The following UGT2A2 variants were observed in gnomAD, a reference collection of about 807,000 sequenced individuals.
UGT2A2 encodes the protein UDP-glucuronosyltransferase 2A2.
UGT2A2 carries 60 observed loss-of-function variants against 50.7 expected under a neutral mutation model. That is an observed-to-expected ratio of 1.18 (90% CI 0.96 to 1.47). UGT2A2 has a LOEUF of 1.47. Ranked by LOEUF, UGT2A2 falls within the 40% of genes most tolerant of loss-of-function variation. The pLI is 0.00. For missense variants in UGT2A2, 762 were observed against 634.0 expected, an observed-to-expected ratio of 1.20 and a Z score of -2.17; for synonymous variants, 242 against 214.6, an observed-to-expected ratio of 1.13 and a Z score of -1.11.
At chr4:69,591,118 A>T (rs1718571548) in intron 5 of UGT2A2, among the ~76,000 whole-genome samples, 1 of 152,082 alleles carries the variant, frequency 6.6e-6, no homozygotes, top group East Asian at 1.9e-4. Context: ...ATTTTTTTGC[A>T]TCAATAGTTT....
chr4:69,599,273 G>A lies in UGT2A2; in HGVS notation c.864C>T (p.His288=), dbSNP rs954176560. 3.1e-6 allele frequency: 5 copies of A among 1,613,754 alleles called. No individual in the cohort carries two copies. In the South Asian group the frequency reaches 4.4e-5, roughly 14 times the overall value. Residue 288 remains histidine, a synonymous_variant, in exon 2 of 6, where the codon CAC becomes CAT. Coordinates refer to ENST00000604629, the MANE Select transcript of UGT2A2 (RefSeq NM_001105677.2). ...TAGGTAAAGGTTTGGCAGGTTTGCAGTGCAATCCTCCAACAAACTCAAAAT... is the reference window on the plus strand; with the variant it reads ...TAGGTAAAGGTTTGGCAGGTTTGCAATGCAATCCTCCAACAAACTCAAAAT... The part of the protein sequence containing the change: ...LPNFEFVGGL[H]CKPAKPLPKE...
chr4:69,632,983 C>A (rs537482914), intron 1 of UGT2A2, among the ~76,000 whole-genome samples: 1 of 151,504 alleles, frequency 6.6e-6, no homozygotes, highest in African/African-American at 2.4e-5. Flanking sequence ...ACAAACCGGA[C>A]GTGGGTGACA....
intron 1 of UGT2A2, among the ~76,000 whole-genome samples, chr4:69,609,052 G>A (rs1897441): frequency 0.23 from 35,443 of 151,492 alleles, 4,352 homozygotes; most frequent in Middle Eastern, 0.31. Flanking sequence ...TAAAATCTAC[G>A]ATTCATTATC....
chr4:69,598,680 A>T (rs1276076996), intron 2 of UGT2A2, among the ~76,000 whole-genome samples: 1 of 152,150 alleles, frequency 6.6e-6, no homozygotes, highest in Non-Finnish European at 1.5e-5. Context: ...ATAGGTCAGA[A>T]ACTAAACTCA....
intron 1 of UGT2A2, among the ~76,000 whole-genome samples, chr4:69,610,187 T>A (rs1034348264): frequency 6.6e-6 from 1 of 152,124 alleles, no homozygotes; most frequent in Non-Finnish European, 1.5e-5. Context: ...AAAATATTTT[T>A]AAATGTGCAA....
Position 69,638,909 on chromosome 4 carries a change from G to A in UGT2A2, c.732C>T (p.Ser244=), listed in dbSNP as rs1306803044. The A allele has an allele frequency of 3.8e-6, 6 of 1,581,792 alleles. No homozygotes were observed. The highest frequency in any genetic ancestry group is 1.2e-5 in the South Asian group (1 of 86,640). The change falls in exon 1 of 6, where the codon AGC becomes AGT. Residue 244 remains serine, a synonymous_variant. Coordinates refer to ENST00000604629, the MANE Select transcript of UGT2A2 (RefSeq NM_001105677.2). ...AAATTTTAGACTTACCTAAAATTTT[G>A]CTATAGTATGAATTCCATTCTCCCC... ...SYWGEWNSYY[S]KILGRPTTLC...
At chr4:69,611,188 C>T (rs891139768) in intron 1 of UGT2A2, among the ~76,000 whole-genome samples, 1 of 151,566 alleles carries the variant, frequency 6.6e-6, no homozygotes, top group African/African-American at 2.4e-5. Flanking sequence ...CTCTGTCACT[C>T]AAGCTGGAGT....
At chr4:69,598,125 T>C (rs1198538878) in intron 2 of UGT2A2, among the ~76,000 whole-genome samples, 1 of 152,202 alleles carries the variant, frequency 6.6e-6, no homozygotes, top group Non-Finnish European at 1.5e-5. Context: ...CATTATTTCC[T>C]ATAATAAACA....
chr4:69,601,279 C>T (rs1560471196), intron 1 of UGT2A2, among the ~76,000 whole-genome samples: 1 of 152,154 alleles, frequency 6.6e-6, no homozygotes, highest in Non-Finnish European at 1.5e-5. Flanking sequence ...ATAGGGGGAG[C>T]CAGAGCACAG....
rs1393013756 is a variant in UGT2A2, at chr4:69,605,943, C to T, written c.743-6549G>A. ...GAGGCAATAATTAATAGCTTAGCAA[C>T]CAAAAAAAGTCCAGGACCAGATGGA... On this transcript the variant is annotated intron_variant, in intron 1 of 5. Coordinates refer to ENST00000604629, the MANE Select transcript of UGT2A2 (RefSeq NM_001105677.2). 5.9e-5 allele frequency among the ~76,000 whole-genome samples: 8 copies of T among 136,222 alleles called. 2 individuals carry two copies. Among genetic ancestry groups the T allele is most frequent in the Non-Finnish European group, 1.2e-4 (8 of 64,064 alleles). The allele number at this position is 136,222 out of a possible 152,430, so 89.4% of individuals were successfully genotyped here.
chr4:69,627,249 T>G (rs958997210), intron 1 of UGT2A2, among the ~76,000 whole-genome samples: 9 of 151,764 alleles, frequency 5.9e-5, no homozygotes, highest in African/African-American at 2.2e-4. Flanking sequence ...TGAAATTTGT[T>G]TTGGAATTAC....
At chr4:69,607,390 C>G (rs1719703588) in intron 1 of UGT2A2, among the ~76,000 whole-genome samples, 1 of 151,826 alleles carries the variant, frequency 6.6e-6, no homozygotes, top group Non-Finnish European at 1.5e-5. Context: ...ACCTGGATCC[C>G]TTCCTTACAC....
At chr4:69,597,597 G>T (rs1719005240) in intron 2 of UGT2A2, among the ~76,000 whole-genome samples, 1 of 152,148 alleles carries the variant, frequency 6.6e-6, no homozygotes, top group Non-Finnish European at 1.5e-5. Flanking sequence ...GATATCTTAA[G>T]TGAAAATAGA....
At chr4:69,623,771 A>G (rs1577982127) in intron 1 of UGT2A2, among the ~76,000 whole-genome samples, 1 of 151,600 alleles carries the variant, frequency 6.6e-6, no homozygotes, top group South Asian at 2.1e-4. Context: ...ATTTAAATAA[A>G]ACCTTTGAGA....
chr4:69,634,589 C>T lies in UGT2A2; in HGVS notation c.742+4310G>A, dbSNP rs376648461. On this transcript the variant is annotated intron_variant, in intron 1 of 5. Coordinates refer to ENST00000604629, the MANE Select transcript of UGT2A2 (RefSeq NM_001105677.2). The stretch of plus-strand genomic sequence containing the variant: ...TTTCTTAAGTTAATTGGGGTTTATT[C>T]CAAAAATAAAAAGTTGATTTAACAA... Among the ~76,000 whole-genome samples the T allele has an allele frequency of 1.5e-4, 22 of 151,540 alleles. 1 individual carries two copies. In the South Asian group the frequency reaches 4.0e-3, roughly 27 times the overall value.
At chr4:69,635,268 T>A (rs6842466) in intron 1 of UGT2A2, among the ~76,000 whole-genome samples, 41,603 of 151,988 alleles carry the variant, frequency 0.27, 6,257 homozygotes, top group African/African-American at 0.38. Context: ...AAACTAAATT[T>A]TACCAGCCAA....
At chr4:69,630,060 C>T (rs905408224) in intron 1 of UGT2A2, among the ~76,000 whole-genome samples, 4 of 151,872 alleles carry the variant, frequency 2.6e-5, no homozygotes, top group Non-Finnish European at 5.9e-5. Flanking sequence ...TTAAACGTGA[C>T]TTTAAATTAC....
At chr4:69,605,241 C>A (rs1719537707) in intron 1 of UGT2A2, among the ~76,000 whole-genome samples, 1 of 136,972 alleles carries the variant, frequency 7.3e-6, no homozygotes, top group Non-Finnish European at 1.6e-5. Flanking sequence ...ACAGAGCAAT[C>A]AAATTAGAAC....
intron 3 of UGT2A2, 152 bp downstream of exon 3, chr4:69,596,098 A>G (rs1194699740): frequency 8.4e-7 from 1 of 1,186,854 alleles, no homozygotes; most frequent in Non-Finnish European, 1.1e-6. Flanking sequence ...AATGTACACA[A>G]TTTTAATATA....
Sources: gnomAD v4.1 joint callset for allele counts (sites outside exome capture counted in the v4.1 genomes callset) on GRCh38, gnomAD v4.1.1 for gene constraint, MANE v1.5 for transcripts, NCBI Gene and HGNC (gene_info 2026-07-23, HGNC 2026-07-21) for gene names.